Variants in CACNB4 observed in about 807,000 individuals in gnomAD.
CACNB4 encodes calcium voltage-gated channel auxiliary subunit beta 4.
In CACNB4, 32 loss-of-function variants were observed where a neutral mutation model predicts 71.2. The ratio of observed to expected loss-of-function variants is 0.45; its 90% CI spans 0.34 to 0.60. CACNB4 has a LOEUF of 0.60. Among genes scored for constraint, CACNB4 ranks in the 20% least tolerant of loss-of-function variants. The pLI is 0.01. For missense variants in CACNB4, 464 were observed against 647.9 expected (o/e 0.72, Z 3.08); for synonymous variants, 231 against 236.9 (o/e 0.97, Z 0.23).
chr2:151,999,747 G>T (rs1560120870), intron 2 of CACNB4, among the ~76,000 whole-genome samples: 1 of 151,914 alleles, frequency 6.6e-6, no homozygotes, highest in African/African-American at 2.4e-5. Flanking sequence ...AAAGTTAATT[G>T]AAAATTACTA....
chr2:151,849,762 G>A (rs570825603), intron 12 of CACNB4, among the ~76,000 whole-genome samples: 37 of 152,294 alleles, frequency 2.4e-4, no homozygotes, highest in Admixed American at 5.9e-4. Context: ...TCAGCCGCCA[G>A]CTGAATACTA....
intron 2 of CACNB4, among the ~76,000 whole-genome samples, chr2:152,006,431 C>T (rs1402164232): frequency 1.4e-5 from 2 of 139,518 alleles, no homozygotes; most frequent in African/African-American, 5.3e-5. Flanking sequence ...GAGATGGAGT[C>T]TCACTCTGTT....
At chr2:152,068,746 T>C (rs1202589366) in intron 2 of CACNB4, among the ~76,000 whole-genome samples, 2 of 152,000 alleles carry the variant, frequency 1.3e-5, no homozygotes, top group Non-Finnish European at 2.9e-5. Flanking sequence ...TTAGTATAGA[T>C]TTATTATATG....
chr2:151,993,154 T>G (rs1374096094), intron 2 of CACNB4, among the ~76,000 whole-genome samples: 25 of 128,874 alleles, frequency 1.9e-4, no homozygotes, highest in African/African-American at 5.8e-4. Flanking sequence ...GTTTTTTGTT[T>G]TTTTTTTTTT....
At chr2:152,004,686 G>A (rs990772862) in intron 2 of CACNB4, among the ~76,000 whole-genome samples, 1 of 152,144 alleles carries the variant, frequency 6.6e-6, no homozygotes, top group Non-Finnish European at 1.5e-5. Context: ...TAGTTTTCCT[G>A]AAATTACAAA....
chr2:151,994,142 A>G (rs1045882446), intron 2 of CACNB4, among the ~76,000 whole-genome samples: 4 of 151,972 alleles, frequency 2.6e-5, no homozygotes, highest in Non-Finnish European at 4.4e-5. Context: ...ACTACACTCC[A>G]GCCTAAGTAA....
intron 2 of CACNB4, among the ~76,000 whole-genome samples, chr2:151,992,955 A>G (rs1411636165): frequency 6.6e-6 from 1 of 152,378 alleles, no homozygotes; most frequent in South Asian, 2.1e-4. Context: ...TTAAGTTCTC[A>G]GGACTGTCAA....
At chr2:151,979,177 A>C (rs1484242575) in intron 2 of CACNB4, among the ~76,000 whole-genome samples, 2 of 152,150 alleles carry the variant, frequency 1.3e-5, no homozygotes, top group African/African-American at 4.8e-5. Flanking sequence ...AAAGAGGCAA[A>C]AGAAGAGGAA....
intron 2 of CACNB4, among the ~76,000 whole-genome samples, chr2:151,990,321 A>T (rs920981778): frequency 4.6e-5 from 7 of 152,164 alleles, no homozygotes; most frequent in African/African-American, 1.7e-4. Flanking sequence ...CTCAAAAACT[A>T]TCTCACCACC....
chr2:151,858,125 C>A (rs934006631), intron 10 of CACNB4: 1 of 152,170 alleles, frequency 6.6e-6, no homozygotes, highest in Non-Finnish European at 1.5e-5. Context: ...GCTACCTGGA[C>A]TGATTCTCAG....
chr2:151,937,381 T>C (rs2099863175), intron 2 of CACNB4, among the ~76,000 whole-genome samples: 1 of 152,142 alleles, frequency 6.6e-6, no homozygotes, highest in Non-Finnish European at 1.5e-5. Context: ...GGGAGAGGCA[T>C]TATATTAAGC....
At chr2:151,955,774 C>T (rs1443750131) in intron 2 of CACNB4, among the ~76,000 whole-genome samples, 5 of 151,928 alleles carry the variant, frequency 3.3e-5, no homozygotes, top group Non-Finnish European at 5.9e-5. Flanking sequence ...TGGTGGTACA[C>T]GCCTGCAGTC....
In CACNB4 at chr2:151,883,431, A is replaced by C; in HGVS notation, c.148-61T>G. ...TAGCTTCTTAAATTGTCACATCCAT[A>C]ACAGTATCCTGGGGCGAGTTCTTTT... On this transcript the variant is annotated intron_variant, in intron 2 of 13. Transcript: ENST00000539935. 2.6e-6 allele frequency: 4 copies of C among 1,566,096 alleles called. No individual in the cohort carries two copies. The South Asian group carries it at 4.4e-5, about 17-fold the overall frequency.
chr2:152,076,809 A>G (rs1687057552), intron 2 of CACNB4, among the ~76,000 whole-genome samples: 1 of 152,246 alleles, frequency 6.6e-6, no homozygotes, highest in South Asian at 2.1e-4. Flanking sequence ...TATTCTGTCA[A>G]CCTGGAAAGT....
chr2:151,971,917 AG>A, intron 2 of CACNB4: 1 of 360,584 alleles, frequency 2.8e-6, no homozygotes, highest in Non-Finnish European at 5.3e-6. Flanking sequence ...GGAGGATCTC[AG>A]CCTGCTGGCC....
intron 2 of CACNB4, among the ~76,000 whole-genome samples, chr2:152,076,117 T>C (rs1015675674): frequency 4.0e-5 from 6 of 150,066 alleles, no homozygotes; most frequent in African/African-American, 1.5e-4. Flanking sequence ...AAGGAGGACA[T>C]GTGATTACCA....
chr2:151,922,850 G>A (rs1403872560), intron 2 of CACNB4, among the ~76,000 whole-genome samples: 1 of 152,196 alleles, frequency 6.6e-6, no homozygotes, highest in East Asian at 1.9e-4. Flanking sequence ...AAAACATTGA[G>A]TTGATTCCTA....
chr2:151,896,296 T>C (rs1056533518), intron 2 of CACNB4, among the ~76,000 whole-genome samples: 1 of 152,228 alleles, frequency 6.6e-6, no homozygotes, highest in Non-Finnish European at 1.5e-5. Flanking sequence ...GTGCAGTAAT[T>C]TAACTTCAGG....
chr2:151,895,513 A>C (rs2151488965), intron 2 of CACNB4, among the ~76,000 whole-genome samples: 1 of 152,146 alleles, frequency 6.6e-6, no homozygotes, highest in East Asian at 1.9e-4. Context: ...TCTATTATGC[A>C]TCAATATACC....
Sources: allele counts gnomAD v4.1 joint callset (sites outside exome capture counted in the v4.1 genomes callset), GRCh38; gene constraint gnomAD v4.1.1; transcripts MANE v1.5; gene names NCBI Gene and HGNC (gene_info 2026-07-23, HGNC 2026-07-21).